The following ZNRF3 variants were observed in gnomAD, a reference collection of about 807,000 sequenced individuals.
ZNRF3 encodes the protein zinc and ring finger 3, also known as E3 ubiquitin-protein ligase ZNRF3.
Under a neutral mutation model 72.5 loss-of-function variants are expected in ZNRF3, and 23 were observed. The ratio of observed to expected loss-of-function variants is 0.32; its 90% CI spans 0.23 to 0.45. The LOEUF is 0.45. Among genes scored for constraint, ZNRF3 ranks in the 20% least tolerant of loss-of-function variants. The probability of loss-of-function intolerance (pLI) is 1.00; values close to 1 mark genes in which losing one functional copy is unlikely to be tolerated. For missense variants in ZNRF3, 1,169 were observed against 1,272.1 expected, an observed-to-expected ratio of 0.92 and a Z score of 1.23; for synonymous variants, 610 against 545.3, an observed-to-expected ratio of 1.12 and a Z score of -1.65.
intron 2 of ZNRF3, among the ~76,000 whole-genome samples, chr22:29,035,388 G>T (rs573553403): frequency 1.3e-5 from 2 of 152,310 alleles, no homozygotes; most frequent in East Asian, 3.9e-4. Flanking sequence ...TCTGCTACGT[G>T]CCTCTTAGGG....
At chr22:28,911,806 T>A (rs931754501) in intron 1 of ZNRF3, among the ~76,000 whole-genome samples, 5 of 152,128 alleles carry the variant, frequency 3.3e-5, no homozygotes, top group Non-Finnish European at 7.4e-5. Flanking sequence ...CTGCCCTGGG[T>A]TTCAGAAGGG....
At chr22:28,989,802 G>A (rs531061595) in intron 2 of ZNRF3, among the ~76,000 whole-genome samples, 14 of 152,210 alleles carry the variant, frequency 9.2e-5, no homozygotes, top group Non-Finnish European at 1.8e-4. Context: ...TCACCTACCC[G>A]CGTACTTACA....
intron 1 of ZNRF3, among the ~76,000 whole-genome samples, chr22:28,884,908 T>C (rs941160954): frequency 1.3e-5 from 2 of 152,168 alleles, no homozygotes; most frequent in Non-Finnish European, 2.9e-5. Context: ...CTTCTGCGGA[T>C]GGTTAGCTGG....
rs1273572885 is a variant in ZNRF3 at position 28,933,773 on chromosome 22, CT to C, written c.300+49708del. ...ACTCACTCTCTCTCTCTCTCTCTCT[CT>C]CTCTCCCCTCCCTCCTCCCTCCTCC... On this transcript the variant is annotated intron_variant, in intron 1 of 8. Transcript: ENST00000544604. Among the ~76,000 whole-genome samples the C allele has an allele frequency of 7.0e-3, 929 of 132,414 alleles. 22 individuals carry two copies. Among genetic ancestry groups the C allele is most frequent in the African/African-American group, 0.026 (889 of 33,958 alleles). The allele number at this position is 132,414 out of a possible 152,430, so 86.9% of individuals were successfully genotyped here.
At chr22:28,956,357 T>TC (rs1330004878) in intron 1 of ZNRF3, among the ~76,000 whole-genome samples, 2 of 144,364 alleles carry the variant, frequency 1.4e-5, no homozygotes, top group East Asian at 4.3e-4. Flanking sequence ...CATTTCCTTT[T>TC]TTTTTTTTTT....
intron 1 of ZNRF3, among the ~76,000 whole-genome samples, chr22:28,974,223 A>G (rs2035629380): frequency 6.6e-6 from 1 of 152,066 alleles, no homozygotes; most frequent in Non-Finnish European, 1.5e-5. Context: ...GGACTCCCAA[A>G]GTGCTGGGAT....
At chr22:28,901,360 G>A (rs1009798895) in intron 1 of ZNRF3, among the ~76,000 whole-genome samples, 7 of 152,158 alleles carry the variant, frequency 4.6e-5, no homozygotes, top group Non-Finnish European at 1.0e-4. Context: ...GTTGGCTGAC[G>A]TGGCACCTGA....
intron 2 of ZNRF3, among the ~76,000 whole-genome samples, chr22:28,992,093 C>T (rs1032613126): frequency 2.0e-5 from 3 of 152,124 alleles, no homozygotes; most frequent in Non-Finnish European, 2.9e-5. Flanking sequence ...TTCGAGCCTA[C>T]AGTGAGCCAT....
chr22:29,019,877 A>G (rs1228254517), intron 2 of ZNRF3, among the ~76,000 whole-genome samples: 1 of 152,180 alleles, frequency 6.6e-6, no homozygotes, highest in Admixed American at 6.5e-5. Flanking sequence ...GATTTCCCTC[A>G]GGCCACTGGG....
Position 29,049,951 on chromosome 22 carries a change from C to G in ZNRF3, c.1770C>G (p.Leu590=). ...YGSCSTFRSS[L]SSDYDPFIYR... is the part of the protein sequence containing the mutation. ...GCTGCTCCACCTTCCGCAGCTCCCT[C>G]AGCAGCGACTATGACCCCTTCATCT... The change falls in exon 8 of 9, where the codon CTC becomes CTG. Residue 590 remains leucine (L), a synonymous_variant. Coordinates refer to ENST00000544604, the MANE Select transcript of ZNRF3 (RefSeq NM_001206998.2). This position sits in a 1 kb window ranked among gnomAD's most constrained non-coding sequence, Gnocchi z 5.2. 6.2e-7 allele frequency: 1 copy of G among 1,611,812 alleles called. No individual in the cohort carries two copies. The highest frequency in any genetic ancestry group is 1.1e-5 in the South Asian group (1 of 90,842).
At chr22:29,041,586 A>G (rs2036963506) in intron 2 of ZNRF3, among the ~76,000 whole-genome samples, 1 of 152,106 alleles carries the variant, frequency 6.6e-6, no homozygotes, top group Non-Finnish European at 1.5e-5. Flanking sequence ...TGAATCCCCC[A>G]GAAAGCATAC....
chr22:28,953,056 A>T (rs2035193530), intron 1 of ZNRF3, among the ~76,000 whole-genome samples: 1 of 152,112 alleles, frequency 6.6e-6, no homozygotes, highest in Admixed American at 6.5e-5. Context: ...AACCTGAGAT[A>T]TTTCCCTACT....
intron 1 of ZNRF3, among the ~76,000 whole-genome samples, chr22:28,958,463 A>C (rs2035298810): frequency 6.6e-6 from 1 of 152,094 alleles, no homozygotes; most frequent in Admixed American, 6.6e-5. Flanking sequence ...GCGGTGTTAG[A>C]GTGTCTTTTT....
Position 29,049,217 on chromosome 22 carries a change from G to A in ZNRF3, c.1036G>A (p.Ala346Thr), listed in dbSNP as rs199836190. Residue 346 changes from alanine (A) to threonine (T), a missense_variant, in exon 8 of 9, where the codon GCG (alanine) becomes ACG (threonine). Transcript: ENST00000544604. This position sits in a 1 kb window ranked among gnomAD's most constrained non-coding sequence, Gnocchi z 5.2. ...NIIEQKGNPS[A>T]VCVETSNLSR... ...TCCAGAACAAAAGGGAAACCCAAGC[G>A]CGGTGTGTGTGGAGACCAGCAACCT... is the stretch of plus-strand genomic sequence containing the variant. 581 of 1,605,646 alleles carry A rather than the reference G, an allele frequency of 3.6e-4. 4 individuals carry two copies. Among genetic ancestry groups the A allele is most frequent in the East Asian group, 4.0e-4 (18 of 44,806 alleles).
chr22:29,028,798 C>T (rs1487117441), intron 2 of ZNRF3, among the ~76,000 whole-genome samples: 4 of 152,200 alleles, frequency 2.6e-5, no homozygotes, highest in African/African-American at 7.2e-5. Flanking sequence ...TAGGTACTTT[C>T]CTTACTTTCC....
chr22:29,000,521 A>G (rs550320993), intron 2 of ZNRF3, among the ~76,000 whole-genome samples: 3 of 152,176 alleles, frequency 2.0e-5, no homozygotes, highest in Non-Finnish European at 4.4e-5. Context: ...TAATTGATGA[A>G]ATCTTAACAT....
chr22:28,965,961 T>C (rs577495454), intron 1 of ZNRF3, among the ~76,000 whole-genome samples: 2 of 152,352 alleles, frequency 1.3e-5, no homozygotes, highest in South Asian at 4.1e-4. Context: ...TTTGATGTAT[T>C]GTTACTGTTT....
intron 1 of ZNRF3, among the ~76,000 whole-genome samples, chr22:28,885,337 G>A (rs1408363480): frequency 6.6e-6 from 1 of 152,024 alleles, no homozygotes; most frequent in Non-Finnish European, 1.5e-5. Flanking sequence ...TTGCCTTACC[G>A]GGCTCTTATC....
At chr22:28,987,017 A>G in intron 1 of ZNRF3, 59 bp from the exon 2 acceptor site, 1 of 1,570,692 alleles carries the variant, frequency 6.4e-7, no homozygotes, top group South Asian at 1.2e-5. Context: ...AATACACAAT[A>G]TGAGTCAAGC....
Sources: allele counts gnomAD v4.1 joint callset (sites outside exome capture counted in the v4.1 genomes callset), GRCh38; gene constraint gnomAD v4.1.1; non-coding constraint Gnocchi (gnomAD v3.1); transcripts MANE v1.5; gene names NCBI Gene and HGNC (gene_info 2026-07-23, HGNC 2026-07-21).